The following STAT3 variants were observed in gnomAD, a reference collection of about 807,000 sequenced individuals.
STAT3 encodes signal transducer and activator of transcription 3, also known as DNA-binding protein APRF.
STAT3 carries 7 observed loss-of-function variants against 114.3 expected under a neutral mutation model. That is an observed-to-expected ratio of 0.06 (90% CI 0.03 to 0.11). The LOEUF is 0.11. Ranked by LOEUF, STAT3 falls within the 10% of genes least tolerant of loss-of-function variation. STAT3 has a pLI of 1.00. For synonymous variants in STAT3, 331 were observed against 354.5 expected (o/e 0.93, Z 0.74); for missense variants, 364 against 960.9 (o/e 0.38, Z 8.21).
At chr17:42,372,593 A>G (rs2084212689) in intron 1 of STAT3, among the ~76,000 whole-genome samples, 1 of 152,228 alleles carries the variant, frequency 6.6e-6, no homozygotes, top group Admixed American at 6.6e-5. Context: ...CTAGGGCAGT[A>G]AAACTATTTT....
chr17:42,357,563 T>C (rs754615411), intron 1 of STAT3, among the ~76,000 whole-genome samples: 2 of 152,024 alleles, frequency 1.3e-5, no homozygotes, highest in Non-Finnish European at 2.9e-5. Flanking sequence ...TCCCAGCCAC[T>C]TGGGAGGCTG....
chr17:42,382,814 T>C (rs193062536), intron 1 of STAT3, among the ~76,000 whole-genome samples: 1 of 149,566 alleles, frequency 6.7e-6, no homozygotes, highest in Non-Finnish European at 1.5e-5. Context: ...GCTGGGCTAA[T>C]TTTTTGTATT....
At chr17:42,316,924 G>A in intron 22 of STAT3, 23 bp from the exon 23 acceptor site, 1 of 1,604,326 alleles carries the variant, frequency 6.2e-7, no homozygotes, top group Non-Finnish European at 8.5e-7. Flanking sequence ...GGGGGCAGCA[G>A]GAGGGGAAAC....
rs201283409 is a variant in STAT3, at chr17:42,324,675, C to A, written c.1600+36G>T. The A allele has an allele frequency of 9.9e-6, 13 of 1,314,038 alleles. No individual in the cohort carries two copies. The highest frequency in any genetic ancestry group is 3.2e-5 in the African/African-American group (1 of 31,060). 81.4% of individuals were successfully genotyped at this position (1,314,038 alleles called of 1,614,324 possible). Reference sequence around the variant, plus strand: ...CTATGGGCCGGATCCCTTTTCTGGGCGGGTGGGCGGGAGGGAGAAGGGGTG... The same window carrying A: ...CTATGGGCCGGATCCCTTTTCTGGGAGGGTGGGCGGGAGGGAGAAGGGGTG... On this transcript the variant is annotated intron_variant, in intron 17 of 23. Coordinates refer to ENST00000264657, the MANE Select transcript of STAT3 (RefSeq NM_139276.3). The surrounding 1 kb of genome is among the most constrained non-coding windows in gnomAD (Gnocchi z 4.5).
intron 15 of STAT3, 150 bp from the exon 16 acceptor site, chr17:42,325,211 C>T (rs2081653442): frequency 2.9e-6 from 2 of 700,534 alleles, no homozygotes; most frequent in African/African-American, 1.8e-5. Context: ...GTGAGTGAGT[C>T]AGCTCAGTGA....
rs1316712131 is a variant in STAT3 at position 42,324,212 on chromosome 17, G to A, written c.1600+499C>T. Among the ~76,000 whole-genome samples, 4 of 152,042 alleles carry A rather than the reference G, an allele frequency of 2.6e-5. No individual in the cohort carries two copies. The highest frequency in any genetic ancestry group is 3.4e-3 in the Middle Eastern group (1 of 294). ...TGAGCACCTGTAGTCTCAGCTACTC[G>A]GGAGGCCGAGGCAGAAGAATCGCTT... On this transcript the variant is annotated intron_variant, in intron 17 of 23. Coordinates refer to ENST00000264657, the MANE Select transcript of STAT3 (RefSeq NM_139276.3). The surrounding 1 kb of genome is among the most constrained non-coding windows in gnomAD (Gnocchi z 4.5).
At chr17:42,339,177 G>A (rs963732951) in intron 5 of STAT3, 137 bp downstream of exon 5, 3 of 811,306 alleles carry the variant, frequency 3.7e-6, no homozygotes, top group Admixed American at 2.3e-5. Context: ...GATCGCTTGG[G>A]CCTGAGAGGT....
chr17:42,363,792 C>T (rs2145184978), intron 1 of STAT3, among the ~76,000 whole-genome samples: 1 of 152,144 alleles, frequency 6.6e-6, no homozygotes, highest in East Asian at 1.9e-4. Flanking sequence ...TTCAAGTCAA[C>T]TTATCTCCTC....
intron 1 of STAT3, among the ~76,000 whole-genome samples, chr17:42,383,628 A>G (rs1406328159): frequency 2.6e-5 from 4 of 151,972 alleles, no homozygotes; most frequent in Non-Finnish European, 5.9e-5. Flanking sequence ...GGTGTCTAAC[A>G]AAGAGTATAT....
intron 1 of STAT3, chr17:42,387,229 GCA>G (rs1321096063): frequency 1.3e-5 from 2 of 152,280 alleles, no homozygotes; most frequent in South Asian, 2.1e-4. Context: ...ACCTGATATG[GCA>G]CAGAGTGATG....
intron 21 of STAT3, among the ~76,000 whole-genome samples, chr17:42,320,248 C>G (rs915351004): frequency 1.3e-5 from 2 of 152,142 alleles, no homozygotes; most frequent in African/African-American, 2.4e-5. Context: ...AGAAAGGCAA[C>G]GGTCAATTAG....
In STAT3 at chr17:42,317,217, G is replaced by C. The variant is rs1193045843; in HGVS notation, c.2109C>G (p.Ala703=). The C allele has an allele frequency of 2.5e-6, 4 of 1,613,728 alleles. No individual in the cohort carries two copies. The South Asian group carries it at 4.4e-5, about 18-fold the overall frequency. ...AGATAAACTTGGTCTTCAGGTATGG[G>C]GCAGCGCCTGGGAAGAAGAAAACCA... ...EHPEADPGSA[A]PYLKTKFICV... is the part of the protein sequence containing the mutation. Residue 703 remains alanine, a synonymous_variant, in exon 22 of 24, where the codon GCC becomes GCG. Coordinates refer to ENST00000264657, the MANE Select transcript of STAT3 (RefSeq NM_139276.3).
chr17:42,383,636 T>G (rs1023441665), intron 1 of STAT3, among the ~76,000 whole-genome samples: 1 of 152,228 alleles, frequency 6.6e-6, no homozygotes, highest in East Asian at 1.9e-4. Context: ...ACAAAGAGTA[T>G]ATAACCACCA....
intron 1 of STAT3, among the ~76,000 whole-genome samples, chr17:42,373,618 G>A (rs552390160): frequency 3.3e-5 from 5 of 151,754 alleles, no homozygotes; most frequent in South Asian, 2.1e-4. Context: ...AGCCGGGCGC[G>A]GTGGCTCACG....
intron 1 of STAT3, among the ~76,000 whole-genome samples, chr17:42,351,150 AAAG>A (rs1389469326): frequency 2.6e-5 from 4 of 152,026 alleles, no homozygotes; most frequent in South Asian, 2.1e-4. Context: ...AAAAAAAAGA[AAAG>A]AAAAGAAACA....
At chr17:42,373,101 C>T (rs1220030303) in intron 1 of STAT3, among the ~76,000 whole-genome samples, 1 of 152,162 alleles carries the variant, frequency 6.6e-6, no homozygotes, top group Non-Finnish European at 1.5e-5. Flanking sequence ...CCTGTAATCC[C>T]AGCACTTTGG....
At chr17:42,316,948 G>C in intron 22 of STAT3, 47 bp from the exon 23 acceptor site, 1 of 1,570,206 alleles carries the variant, frequency 6.4e-7, no homozygotes, top group Non-Finnish European at 8.6e-7. Context: ...GGGTTGACAA[G>C]ACACAATGGA....
In STAT3 at chr17:42,339,423, G is replaced by C. The variant is rs746233222; in HGVS notation, c.373-14C>G. ...CTGGCCCCCTTGCTGCCAAAAAGGA[G>C]GTCAATGCACATGTGAACACAGAAC... On this transcript the variant is annotated splice_polypyrimidine_tract_variant and intron_variant, in intron 4 of 23. Transcript: ENST00000264657. 4.3e-6 allele frequency: 7 copies of C among 1,613,572 alleles called. No individual in the cohort carries two copies. The highest frequency in any genetic ancestry group is 3.3e-5 in the Admixed American group (2 of 59,988).
intron 2 of STAT3, among the ~76,000 whole-genome samples, chr17:42,347,184 C>CAAAAAA (rs754388828): frequency 1.3e-5 from 1 of 75,498 alleles, no homozygotes; most frequent in Non-Finnish European, 2.9e-5. Context: ...GACTCCATCT[C>CAAAAAA]AAAAAAAAAA....
Sources: gnomAD v4.1 joint callset for allele counts (sites outside exome capture counted in the v4.1 genomes callset) on GRCh38, gnomAD v4.1.1 for gene constraint, Gnocchi (gnomAD v3.1) non-coding constraint, MANE v1.5 for transcripts, NCBI Gene and HGNC (gene_info 2026-07-23, HGNC 2026-07-21) for gene names.